MPRIP: variants seen among roughly 807,000 people sequenced by gnomAD.
MPRIP encodes the protein myosin phosphatase Rho interacting protein, also known as myosin phosphatase Rho-interacting protein.
A neutral mutation model predicts 234.9 loss-of-function variants in MPRIP; 59 were observed. The ratio of observed to expected loss-of-function variants is 0.25; its 90% CI spans 0.20 to 0.31. The LOEUF is 0.31. Among genes scored for constraint, MPRIP ranks in the 10% least tolerant of loss-of-function variants. MPRIP has a pLI of 1.00. For synonymous variants in MPRIP, 1,144 were observed against 1,263.9 expected, an observed-to-expected ratio of 0.91 and a Z score of 2.01; for missense variants, 2,436 against 3,071.0, an observed-to-expected ratio of 0.79 and a Z score of 4.89.
intron 3 of MPRIP, among the ~76,000 whole-genome samples, chr17:17,080,160 C>T (rs1018781671): frequency 1.3e-5 from 2 of 152,214 alleles, no homozygotes; most frequent in African/African-American, 4.8e-5. Context: ...TACTGCTTTG[C>T]CCAGCCGAGG....
At position 17,192,104 on chromosome 17, in the gene MPRIP, T is replaced by C. The variant is rs954300719; in HGVS notation, c.*7210T>C. 6.6e-6 allele frequency: 1 copy of C among 152,200 alleles called. No individual in the cohort carries two copies. Among genetic ancestry groups the C allele is most frequent in the African/African-American group, 2.4e-5 (1 of 41,454 alleles). The allele number at this position is 152,200 out of a possible 1,614,324, so 9.4% of individuals were successfully genotyped here. A position where few individuals can be genotyped will look rare whatever the true frequency, so the allele number is the denominator to read the frequency against. ...CCTACTGTGCCAAGCTGGGGCGCTA[T>C]ATGTGAACGGAGTGGAAATGCTTCA... is the stretch of plus-strand genomic sequence containing the variant. On this transcript the variant is annotated 3_prime_UTR_variant, in exon 24 of 24. Transcript: ENST00000651222.
intron 3 of MPRIP, among the ~76,000 whole-genome samples, chr17:17,102,270 A>G (rs1472846257): frequency 6.6e-6 from 1 of 151,922 alleles, no homozygotes; most frequent in Non-Finnish European, 1.5e-5. Context: ...GGGCTATACC[A>G]TCAGCTCCCC....
At chr17:17,156,665 G>A (rs1241610514) in intron 13 of MPRIP, among the ~76,000 whole-genome samples, 1 of 152,240 alleles carries the variant, frequency 6.6e-6, no homozygotes, top group East Asian at 1.9e-4. Context: ...CGGTTCTGGT[G>A]TGGCTGTGAC....
At position 17,167,027 on chromosome 17, in the gene MPRIP, C is replaced by A; in HGVS notation, c.5436C>A (p.Cys1812Ter). 7.7e-7 allele frequency: 1 copy of A among 1,304,284 alleles called. No individual in the cohort carries two copies. Among genetic ancestry groups the A allele is most frequent in the Non-Finnish European group, 1.0e-6 (1 of 988,966 alleles). 80.8% of individuals were successfully genotyped at this position (1,304,284 alleles called of 1,614,324 possible). A position where few individuals can be genotyped will look rare whatever the true frequency, so the allele number is the denominator to read the frequency against. ...SLPPVESLRD[C>*]QKLLQVSQSL... is the part of the protein sequence containing the mutation. ...CACCTGTGGAATCGCTGAGAGATTGCCAGAAGCTTCTCCAGGTGTCCCAGA... is the reference window on the plus strand; with the variant it reads ...CACCTGTGGAATCGCTGAGAGATTGACAGAAGCTTCTCCAGGTGTCCCAGA... The change falls in exon 16 of 24, where the codon TGC becomes TGA. Residue 1812 changes from cysteine to a stop codon, truncating the protein, a stop_gained. Coordinates refer to ENST00000651222, the MANE Select transcript of MPRIP (RefSeq NM_001364716.4). LOFTEE classifies it high-confidence loss of function. The surrounding 1 kb of genome is among the most constrained non-coding windows in gnomAD (Gnocchi z 5.9).
At chr17:17,160,143 C>A (rs1190630764) in intron 14 of MPRIP, among the ~76,000 whole-genome samples, 4 of 151,992 alleles carry the variant, frequency 2.6e-5, no homozygotes, top group African/African-American at 9.7e-5. Flanking sequence ...CCGAGGCGGG[C>A]GGATCACAAG....
chr17:17,057,273 G>A (rs554193070), intron 1 of MPRIP, among the ~76,000 whole-genome samples: 325 of 152,360 alleles, frequency 2.1e-3, no homozygotes, highest in Non-Finnish European at 3.8e-3. Flanking sequence ...CTCAAGAGTC[G>A]CACACATGAA....
At chr17:17,079,766 T>C (rs1379216694) in intron 3 of MPRIP, among the ~76,000 whole-genome samples, 1 of 152,212 alleles carries the variant, frequency 6.6e-6, no homozygotes, top group Non-Finnish European at 1.5e-5. Context: ...TCCAGCAAAA[T>C]CCATTATTCC....
At chr17:17,148,966 G>A (rs1254798376) in intron 11 of MPRIP, among the ~76,000 whole-genome samples, 1 of 152,184 alleles carries the variant, frequency 6.6e-6, no homozygotes, top group East Asian at 1.9e-4. Flanking sequence ...GGTGGTATTA[G>A]CAAAGGCGAT....
At chr17:17,122,324 T>A (rs2090405096) in intron 3 of MPRIP, among the ~76,000 whole-genome samples, 1 of 152,118 alleles carries the variant, frequency 6.6e-6, no homozygotes, top group African/African-American at 2.4e-5. Context: ...GTTTTTTGTT[T>A]TCATTTTGTT....
intron 4 of MPRIP, among the ~76,000 whole-genome samples, chr17:17,129,332 G>A (rs1188561311): frequency 2.0e-5 from 3 of 152,040 alleles, no homozygotes; most frequent in Non-Finnish European, 4.4e-5. Flanking sequence ...GTCCCTATCC[G>A]GGGAGCCCCA....
At chr17:17,143,268 C>G (rs1268336347) in intron 8 of MPRIP, among the ~76,000 whole-genome samples, 1 of 152,184 alleles carries the variant, frequency 6.6e-6, no homozygotes, top group African/African-American at 2.4e-5. Context: ...CCACAGAGCC[C>G]AGGGCTCTTC....
intron 3 of MPRIP, among the ~76,000 whole-genome samples, chr17:17,079,062 C>T (rs188341142): frequency 4.7e-4 from 72 of 152,098 alleles, no homozygotes; most frequent in Admixed American, 1.3e-3. Flanking sequence ...TTCCAGACTG[C>T]GGCAGGGGGT....
At chr17:17,108,069 G>A (rs886462255) in intron 3 of MPRIP, among the ~76,000 whole-genome samples, 1 of 152,120 alleles carries the variant, frequency 6.6e-6, no homozygotes, top group African/African-American at 2.4e-5. Context: ...CTTTTTCCCA[G>A]GCCTGCTGGA....
In MPRIP at chr17:17,173,908, C is replaced by G. The variant is rs563306678; in HGVS notation, c.6591-8C>G. The G allele has an allele frequency of 3.1e-6, 5 of 1,613,338 alleles. No homozygotes were observed. The highest frequency in any genetic ancestry group is 3.3e-5 in the Admixed American group (2 of 60,024). ...CAGGCAGAGGAGTGAGTGCTGCCCT[C>G]TCCCCAGGGAGGAGCTGCAGTCGGT... On this transcript the variant is annotated splice_polypyrimidine_tract_variant and splice_region_variant and intron_variant, in intron 18 of 23. Transcript: ENST00000651222.
intron 3 of MPRIP, among the ~76,000 whole-genome samples, chr17:17,103,675 C>G (rs891304696): frequency 6.6e-6 from 1 of 152,158 alleles, no homozygotes; most frequent in African/African-American, 2.4e-5. Flanking sequence ...TAAGATCTCC[C>G]CCTTTTATCT....
At chr17:17,150,850 CT>C (rs997901936) in intron 12 of MPRIP, among the ~76,000 whole-genome samples, 6 of 150,950 alleles carry the variant, frequency 4.0e-5, no homozygotes, top group Non-Finnish European at 5.9e-5. Flanking sequence ...GCCTCCATTT[CT>C]TTTTTTTTCC....
chr17:17,166,892 G>A lies in MPRIP; in HGVS notation c.5301G>A (p.Val1767=). 2 of 1,304,198 alleles carry A rather than the reference G, an allele frequency of 1.5e-6. No individual in the cohort carries two copies. Among genetic ancestry groups the A allele is most frequent in the Middle Eastern group, 2.1e-4 (1 of 4,698 alleles). 80.8% of individuals were successfully genotyped at this position (1,304,198 alleles called of 1,614,324 possible). A position where few individuals can be genotyped will look rare whatever the true frequency, so the allele number is the denominator to read the frequency against. ...DSDSSQEPFD[V]SDQSPGAFVA... ...ACAGCTCTCAGGAGCCCTTCGATGT[G>A]TCTGACCAGAGCCCTGGGGCCTTTG... Residue 1767 remains valine (V), a synonymous_variant, in exon 16 of 24, where the codon GTG becomes GTA. Coordinates refer to ENST00000651222, the MANE Select transcript of MPRIP (RefSeq NM_001364716.4). This position sits in a 1 kb window ranked among gnomAD's most constrained non-coding sequence, Gnocchi z 4.4.
chr17:17,061,127 G>A (rs1369125136), intron 1 of MPRIP, among the ~76,000 whole-genome samples: 1 of 152,226 alleles, frequency 6.6e-6, no homozygotes, highest in East Asian at 1.9e-4. Context: ...CCCAAGTGCT[G>A]AGATTCAGAG....
intron 1 of MPRIP, among the ~76,000 whole-genome samples, chr17:17,074,203 G>A (rs941223483): frequency 2.0e-5 from 3 of 152,252 alleles, no homozygotes; most frequent in Non-Finnish European, 4.4e-5. Flanking sequence ...TGTGTAAGCA[G>A]CAGTCAGAGA....
Sources: gnomAD v4.1 joint callset for allele counts (sites outside exome capture counted in the v4.1 genomes callset) on GRCh38, gnomAD v4.1.1 for gene constraint, Gnocchi (gnomAD v3.1) non-coding constraint, MANE v1.5 for transcripts, NCBI Gene and HGNC (gene_info 2026-07-23, HGNC 2026-07-21) for gene names.